The following BCAS3 variants were observed in gnomAD, a reference collection of about 807,000 sequenced individuals.
The protein encoded by BCAS3 is BCAS3 microtubule associated cell migration factor.
A neutral mutation model predicts 116.1 loss-of-function variants in BCAS3; 53 were observed. That is an observed-to-expected ratio of 0.46 (90% confidence interval 0.37 to 0.57). The LOEUF (loss-of-function observed/expected upper bound fraction) is 0.57, where lower values mean the gene tolerates loss of function less well. Ranked by LOEUF, BCAS3 falls within the 20% of genes least tolerant of loss-of-function variation. The pLI, the probability that BCAS3 is intolerant of heterozygous loss-of-function variation, is 0.00. For synonymous variants in BCAS3, 391 were observed against 408.2 expected (o/e 0.96, Z 0.51); for missense variants, 917 against 1,165.4 (o/e 0.79, Z 3.10).
Position 61,337,387 on chromosome 17 carries a change from C to T in BCAS3, c.2426-30940C>T, listed in dbSNP as rs1471912793. On this transcript the variant is annotated intron_variant, in intron 22 of 23. Transcript: ENST00000407086. The surrounding 1 kb of genome is among the most constrained non-coding windows in gnomAD (Gnocchi z 4.8). ...TTGTAAATAAACCATTAGCTGGGGG[C>T]CTCACCTCAGGAAGCAATTTAAGGC... is the stretch of plus-strand genomic sequence containing the variant. 6.6e-6 allele frequency among the ~76,000 whole-genome samples: 1 copy of T among 152,108 alleles called. No individual in the cohort carries two copies. The highest frequency in any genetic ancestry group is 1.5e-5 in the Non-Finnish European group (1 of 68,034).
intron 14 of BCAS3, among the ~76,000 whole-genome samples, chr17:60,982,446 T>C (rs1384061976): frequency 1.3e-5 from 2 of 152,214 alleles, no homozygotes; most frequent in African/African-American, 4.8e-5. Flanking sequence ...TAGCTGGAGC[T>C]ACAAGTGCAT....
At chr17:60,837,044 A>G (rs999609458) in intron 7 of BCAS3, among the ~76,000 whole-genome samples, 1 of 152,200 alleles carries the variant, frequency 6.6e-6, no homozygotes, top group African/African-American at 2.4e-5. Context: ...TGTTATCAGG[A>G]AATGGGACCT....
intron 6 of BCAS3, among the ~76,000 whole-genome samples, chr17:60,789,795 T>C (rs2046601372): frequency 6.6e-6 from 1 of 152,190 alleles, no homozygotes; most frequent in South Asian, 2.1e-4. Flanking sequence ...GAAGAGTACA[T>C]GCTATTTATA....
chr17:61,155,090 G>A (rs2077757155), intron 22 of BCAS3, among the ~76,000 whole-genome samples: 1 of 152,096 alleles, frequency 6.6e-6, no homozygotes, highest in African/African-American at 2.4e-5. Flanking sequence ...TCTTGCCTGG[G>A]TCACTTATGT....
At position 61,179,962 on chromosome 17, in the gene BCAS3, T is replaced by C. The variant is rs914847904; in HGVS notation, c.2425+95398T>C. 2.7e-5 allele frequency among the ~76,000 whole-genome samples: 4 copies of C among 150,326 alleles called. No individual in the cohort carries two copies. The South Asian group carries it at 8.4e-4, about 32-fold the overall frequency. Reference sequence around the variant, plus strand: ...CTCACTTGAGACACTTTCAGCAGGATATTCAGTCGTTTATAATGGAGAGTC... The same window carrying C: ...CTCACTTGAGACACTTTCAGCAGGACATTCAGTCGTTTATAATGGAGAGTC... On this transcript the variant is annotated intron_variant, in intron 22 of 23. Coordinates refer to ENST00000407086, the MANE Select transcript of BCAS3 (RefSeq NM_017679.5).
intron 16 of BCAS3, among the ~76,000 whole-genome samples, chr17:61,018,445 G>A (rs1005931803): frequency 2.0e-5 from 3 of 151,856 alleles, no homozygotes; most frequent in Admixed American, 1.3e-4. Context: ...GGGATTACAG[G>A]TGTGTGCCAC....
intron 22 of BCAS3, among the ~76,000 whole-genome samples, chr17:61,221,425 A>C (rs2082106072): frequency 6.6e-6 from 1 of 152,224 alleles, no homozygotes. Context: ...CCACATTGAT[A>C]GCACTGGGTT....
At chr17:60,751,723 A>G (rs2042485371) in intron 6 of BCAS3, among the ~76,000 whole-genome samples, 1 of 151,982 alleles carries the variant, frequency 6.6e-6, no homozygotes, top group African/African-American at 2.4e-5. Flanking sequence ...TTGTAATTTT[A>G]GTAGAGACAG....
chr17:60,918,876 G>A (rs1347456741), intron 12 of BCAS3, among the ~76,000 whole-genome samples: 2 of 151,936 alleles, frequency 1.3e-5, no homozygotes, highest in African/African-American at 4.8e-5. Context: ...GTATTTTTTA[G>A]TAGAGACGGA....
chr17:60,948,299 G>A (rs766268410), intron 14 of BCAS3, among the ~76,000 whole-genome samples: 1 of 151,950 alleles, frequency 6.6e-6, no homozygotes, highest in East Asian at 1.9e-4. Flanking sequence ...AGTAGAGACG[G>A]TGTTTCACCA....
At position 61,147,353 on chromosome 17, in the gene BCAS3, G is replaced by A. The variant is rs1024677686; in HGVS notation, c.2425+62789G>A. 1.9e-4 allele frequency among the ~76,000 whole-genome samples: 29 copies of A among 152,082 alleles called. 1 individual carries two copies. Among genetic ancestry groups the A allele is most frequent in the African/African-American group, 6.3e-4 (26 of 41,424 alleles). ...AGCCTCCCAAAGTGCTGGGATTACA[G>A]GCATGATCCACCGCACCCGGCCATA... On this transcript the variant is annotated intron_variant, in intron 22 of 23. Coordinates refer to ENST00000407086, the MANE Select transcript of BCAS3 (RefSeq NM_017679.5).
chr17:61,140,492 T>C lies in BCAS3; in HGVS notation c.2425+55928T>C, dbSNP rs1301666307. Among the ~76,000 whole-genome samples the C allele has an allele frequency of 6.6e-6, 1 of 152,110 alleles. No individual in the cohort carries two copies. The highest frequency in any genetic ancestry group is 6.5e-5 in the Admixed American group (1 of 15,278). ...TTGAAACATTAAAGAAAAGTAACCC[T>C]GTTAAGTGGTTATCACAATCAAACA... is the stretch of plus-strand genomic sequence containing the variant. On this transcript the variant is annotated intron_variant, in intron 22 of 23. Coordinates refer to ENST00000407086, the MANE Select transcript of BCAS3 (RefSeq NM_017679.5). The surrounding 1 kb of genome is among the most constrained non-coding windows in gnomAD (Gnocchi z 4.2).
chr17:61,383,485 T>A (rs1458523303), intron 23 of BCAS3: 1 of 152,428 alleles, frequency 6.6e-6, no homozygotes, highest in African/African-American at 2.4e-5. Flanking sequence ...CCACCCCTGT[T>A]GAACCCCCAG....
intron 22 of BCAS3, among the ~76,000 whole-genome samples, chr17:61,177,844 A>G (rs1601746012): frequency 1.3e-5 from 2 of 152,308 alleles, no homozygotes; most frequent in East Asian, 3.9e-4. Flanking sequence ...CATAGTGTCT[A>G]TCTGTTGCAC....
intron 22 of BCAS3, among the ~76,000 whole-genome samples, chr17:61,303,947 A>G (rs1321904971): frequency 7.9e-5 from 12 of 152,080 alleles, no homozygotes; most frequent in Admixed American, 7.9e-4. Context: ...ACCCATCCCA[A>G]TCATCCTCCA....
chr17:61,345,245 T>C (rs1006125859), intron 22 of BCAS3, among the ~76,000 whole-genome samples: 1 of 152,214 alleles, frequency 6.6e-6, no homozygotes, highest in Non-Finnish European at 1.5e-5. Context: ...CAGAGGAGAC[T>C]CCGCTTCCGC....
chr17:61,101,606 A>T (rs2074332558), intron 22 of BCAS3, among the ~76,000 whole-genome samples: 1 of 152,162 alleles, frequency 6.6e-6, no homozygotes, highest in Admixed American at 6.5e-5. Context: ...ATGAGTGAGG[A>T]TTCCCAATGG....
chr17:61,330,471 C>T (rs2056178768), intron 22 of BCAS3, among the ~76,000 whole-genome samples: 1 of 152,214 alleles, frequency 6.6e-6, no homozygotes, highest in Non-Finnish European at 1.5e-5. Flanking sequence ...GGCCTGGGCC[C>T]CCAAATGCAG....
In BCAS3 at chr17:61,180,611, A is replaced by G. The variant is rs147737495; in HGVS notation, c.2425+96047A>G. Among the ~76,000 whole-genome samples, 13 of 152,364 alleles carry G rather than the reference A, an allele frequency of 8.5e-5. No individual in the cohort carries two copies. Among genetic ancestry groups the G allele is most frequent in the Non-Finnish European group, 1.6e-4 (11 of 68,036 alleles). ...AACAACTCAGAGGACCCAATAGCAA[A>G]TGAGGCACTTAGATAGCATGTGATG... On this transcript the variant is annotated intron_variant, in intron 22 of 23. Coordinates refer to ENST00000407086, the MANE Select transcript of BCAS3 (RefSeq NM_017679.5). This position sits in a 1 kb window ranked among gnomAD's most constrained non-coding sequence, Gnocchi z 6.0.
Sources: allele counts gnomAD v4.1 joint callset (sites outside exome capture counted in the v4.1 genomes callset), GRCh38; gene constraint gnomAD v4.1.1; non-coding constraint Gnocchi (gnomAD v3.1); transcripts MANE v1.5; gene names NCBI Gene and HGNC (gene_info 2026-07-23, HGNC 2026-07-21).